Variants in NAV2 observed in about 807,000 individuals in gnomAD.
NAV2 encodes neuron navigator 2.
A neutral mutation model predicts 223.2 loss-of-function variants in NAV2; 54 were observed. The observed-to-expected ratio is 0.24, with a 90% CI of 0.19 to 0.30. The LOEUF (loss-of-function observed/expected upper bound fraction) is 0.30, where lower values mean the gene tolerates loss of function less well. Among genes scored for constraint, NAV2 ranks in the 10% least tolerant of loss-of-function variants. NAV2 has a pLI of 1.00. For synonymous variants in NAV2, 1,279 were observed against 1,239.3 expected (o/e 1.03, Z -0.67); for missense variants, 2,806 against 3,147.5 (o/e 0.89, Z 2.60).
intron 1 of NAV2, among the ~76,000 whole-genome samples, chr11:19,464,809 C>T (rs755699291): frequency 6.6e-6 from 1 of 152,234 alleles, no homozygotes; most frequent in Non-Finnish European, 1.5e-5. Context: ...AAATGGACTG[C>T]ATCCCTACAG....
upstream of NAV2, among the ~76,000 whole-genome samples, chr11:19,708,252 C>A (rs1373786599): frequency 6.6e-6 from 1 of 152,170 alleles, no homozygotes; most frequent in Admixed American, 6.5e-5. Flanking sequence ...AACTCAGCCA[C>A]TACTAAAAGG....
At chr11:19,535,042 C>G (rs1163163662) in intron 1 of NAV2, among the ~76,000 whole-genome samples, 1 of 152,114 alleles carries the variant, frequency 6.6e-6, no homozygotes, top group Non-Finnish European at 1.5e-5. Flanking sequence ...TAAATCATTG[C>G]TATTCCTGTT....
At chr11:19,514,629 G>A (rs998727857) in intron 1 of NAV2, among the ~76,000 whole-genome samples, 2 of 152,178 alleles carry the variant, frequency 1.3e-5, no homozygotes, top group African/African-American at 4.8e-5. Flanking sequence ...AATCCATTAT[G>A]CATTTACTGC....
At chr11:19,768,087 C>T (rs535168198) in intron 1 of NAV2, among the ~76,000 whole-genome samples, 21 of 152,354 alleles carry the variant, frequency 1.4e-4, no homozygotes, top group African/African-American at 5.1e-4. Flanking sequence ...CACAGGGTCT[C>T]CTCCAGGTTA....
chr11:20,015,212 T>C (rs776221047), intron 11 of NAV2, among the ~76,000 whole-genome samples: 20 of 152,224 alleles, frequency 1.3e-4, no homozygotes, highest in Non-Finnish European at 2.4e-4. Flanking sequence ...ATAGGCACGA[T>C]AGCCTCACTT....
At chr11:19,529,202 G>A (rs1462638901) in intron 1 of NAV2, among the ~76,000 whole-genome samples, 1 of 152,184 alleles carries the variant, frequency 6.6e-6, no homozygotes, top group East Asian at 1.9e-4. Flanking sequence ...CTTCACTGTA[G>A]TCTGTTCCTT....
intron 1 of NAV2, among the ~76,000 whole-genome samples, chr11:19,609,541 G>C (rs997263097): frequency 6.6e-6 from 1 of 152,102 alleles, no homozygotes; most frequent in Non-Finnish European, 1.5e-5. Flanking sequence ...AGGCAAGATG[G>C]AGCCATCACC....
At chr11:19,909,102 C>G (rs1401294986) in intron 6 of NAV2, among the ~76,000 whole-genome samples, 2 of 152,134 alleles carry the variant, frequency 1.3e-5, no homozygotes, top group Admixed American at 1.3e-4. Context: ...AGCTCTTCTA[C>G]CCCAAAATAT....
In NAV2 at chr11:20,062,344, G is replaced by A. The variant is rs144941341; in HGVS notation, c.4869G>A (p.Ser1623=). The change falls in exon 20 of 38, where the codon TCG becomes TCA. Residue 1623 remains serine, a synonymous_variant. Transcript: ENST00000349880. ...GSSLSLVSST[S]SVYSTPEEKC... is the part of the protein sequence containing the mutation. ...CACTCTCCTTGGTTTCCAGCACATC[G>A]TCAGTTTATTCTACAGTGAGTATAA... 2.5e-4 allele frequency: 396 copies of A among 1,610,664 alleles called. No individual in the cohort carries two copies. The highest frequency in any genetic ancestry group is 3.2e-4 in the Non-Finnish European group (372 of 1,178,936).
intron 1 of NAV2, among the ~76,000 whole-genome samples, chr11:19,614,087 A>C (rs2046719904): frequency 6.6e-6 from 1 of 152,208 alleles, no homozygotes; most frequent in Non-Finnish European, 1.5e-5. Flanking sequence ...CTGTACAGAT[A>C]AAGAGGGTTG....
upstream of NAV2, chr11:19,711,167 C>T (rs895884634): frequency 6.6e-6 from 1 of 152,162 alleles, no homozygotes. Flanking sequence ...AAGTTGCTAC[C>T]TAGAATGGCT....
chr11:19,710,641 AT>A (rs1334009340), upstream of NAV2, among the ~76,000 whole-genome samples: 1 of 152,248 alleles, frequency 6.6e-6, no homozygotes, highest in East Asian at 1.9e-4. Context: ...GAACCACTGC[AT>A]TAGGGCCATG....
chr11:20,099,970 C>A (rs925016437), intron 31 of NAV2, among the ~76,000 whole-genome samples: 4 of 152,058 alleles, frequency 2.6e-5, no homozygotes, highest in Admixed American at 2.6e-4. Context: ...CATCTGGGGG[C>A]CTTTGTCATG....
intron 1 of NAV2, among the ~76,000 whole-genome samples, chr11:19,426,235 G>A (rs1184863103): frequency 6.6e-6 from 1 of 152,168 alleles, no homozygotes; most frequent in Non-Finnish European, 1.5e-5. Context: ...AGCTCTAGAT[G>A]TAAAGTGTTG....
intron 1 of NAV2, among the ~76,000 whole-genome samples, chr11:19,397,043 C>T (rs1380426486): frequency 6.6e-6 from 1 of 152,048 alleles, no homozygotes; most frequent in Non-Finnish European, 1.5e-5. Context: ...CTGGATGAAG[C>T]TTGTAAGGGA....
At chr11:19,820,612 CG>C (rs1565372113) in intron 1 of NAV2, among the ~76,000 whole-genome samples, 2 of 152,194 alleles carry the variant, frequency 1.3e-5, no homozygotes, top group East Asian at 3.9e-4. Context: ...AGGTGGTAGC[CG>C]TGAGGCTGGT....
chr11:19,417,196 G>A (rs112243881), intron 1 of NAV2, among the ~76,000 whole-genome samples: 4,600 of 152,144 alleles, frequency 0.03, 247 homozygotes, highest in African/African-American at 0.1. Flanking sequence ...CGATCTATCC[G>A]TCTGACAAAG....
At chr11:19,995,628 A>G (rs1457681541) in intron 11 of NAV2, among the ~76,000 whole-genome samples, 1 of 152,198 alleles carries the variant, frequency 6.6e-6, no homozygotes, top group Non-Finnish European at 1.5e-5. Flanking sequence ...CCCAAGGAGA[A>G]GTGCAAAGAG....
chr11:19,386,212 C>T (rs1330856645), intron 1 of NAV2, among the ~76,000 whole-genome samples: 1 of 152,100 alleles, frequency 6.6e-6, no homozygotes, highest in African/African-American at 2.4e-5. Context: ...GTTTGGGTGC[C>T]CAGCATTGAA....
Sources: gnomAD v4.1 joint callset for allele counts (sites outside exome capture counted in the v4.1 genomes callset) on GRCh38, gnomAD v4.1.1 for gene constraint, MANE v1.5 for transcripts, NCBI Gene and HGNC (gene_info 2026-07-23, HGNC 2026-07-21) for gene names.